HOMER3: variants seen among roughly 807,000 people sequenced by gnomAD.
The protein encoded by HOMER3 is homer scaffold protein 3, also known as homer protein homolog 3.
Under a neutral mutation model 45.5 loss-of-function variants are expected in HOMER3, and 34 were observed. The observed-to-expected ratio is 0.75, with a 90% CI of 0.57 to 1.00. The LOEUF (loss-of-function observed/expected upper bound fraction) is 1.00. Among genes scored for constraint, HOMER3 ranks in the 50% least tolerant of loss-of-function variants. The pLI, the probability that HOMER3 is intolerant of heterozygous loss-of-function variation, is 0.00. For missense variants in HOMER3, 480 were observed against 497.5 expected, an observed-to-expected ratio of 0.96 and a Z score of 0.33; for synonymous variants, 223 against 208.8, an observed-to-expected ratio of 1.07 and a Z score of -0.58.
chr19:18,931,048 A>G lies in HOMER3; in HGVS notation c.894+277T>C, dbSNP rs756088196. Among the ~76,000 whole-genome samples the G allele has an allele frequency of 9.2e-4, 140 of 152,180 alleles. 1 individual carries two copies. The highest frequency in any genetic ancestry group is 1.7e-3 in the Non-Finnish European group (117 of 68,022). On this transcript the variant is annotated intron_variant, in intron 9 of 9. Coordinates refer to ENST00000392351, the MANE Select transcript of HOMER3 (RefSeq NM_004838.4). The stretch of plus-strand genomic sequence containing the variant: ...AATAAAGCCAAGCCAAGCCAGACCT[A>G]GTTCCAATGCAGGCTCTGTGATCTC...
chr19:18,933,170 G>A, intron 5 of HOMER3, 125 bp from the exon 6 acceptor site: 2 of 1,228,562 alleles, frequency 1.6e-6, no homozygotes, highest in South Asian at 2.8e-5. Context: ...TCACAGCACA[G>A]GATCCAAGTG....
At chr19:18,938,535 A>C (rs746843565) in intron 3 of HOMER3, 51 bp from the exon 4 acceptor site, 1 of 1,589,684 alleles carries the variant, frequency 6.3e-7, no homozygotes, top group Non-Finnish European at 8.6e-7. Context: ...ACTAACAAAC[A>C]TGAAACCCCC....
intron 1 of HOMER3, 47 bp from the exon 2 acceptor site, chr19:18,939,096 G>T: frequency 9.0e-7 from 1 of 1,106,608 alleles, no homozygotes; most frequent in Non-Finnish European, 1.3e-6. Context: ...CCAGGCTGAG[G>T]GAGGCCAAGC....
At chr19:18,939,524 T>C in intron 1 of HOMER3, 1 of 153,002 alleles carries the variant, frequency 6.5e-6, no homozygotes, top group Non-Finnish European at 1.5e-5. Flanking sequence ...AGACCCCATC[T>C]TTCTTTGTCT....
intron 6 of HOMER3, among the ~76,000 whole-genome samples, 174 bp downstream of exon 6, chr19:18,932,750 T>C (rs2057050666): frequency 6.6e-6 from 1 of 150,412 alleles, no homozygotes; most frequent in East Asian, 2.0e-4. Flanking sequence ...CAACGCAGGG[T>C]AGGGGCGGGG....
At chr19:18,934,991 A>G (rs1251717095) in intron 4 of HOMER3, among the ~76,000 whole-genome samples, 1 of 150,814 alleles carries the variant, frequency 6.6e-6, no homozygotes, top group East Asian at 2.0e-4. Context: ...ACAGGCATGC[A>G]CCAGCATGCC....
intron 9 of HOMER3, among the ~76,000 whole-genome samples, chr19:18,930,249 C>CAA (rs35747460): frequency 0.1 from 9,435 of 93,550 alleles, 518 homozygotes; most frequent in Middle Eastern, 0.18. Flanking sequence ...GACTCCATCT[C>CAA]AAAAAAAAAA....
intron 4 of HOMER3, among the ~76,000 whole-genome samples, chr19:18,937,561 A>G (rs1159433811): frequency 6.7e-6 from 1 of 150,188 alleles, no homozygotes; most frequent in Non-Finnish European, 1.5e-5. Flanking sequence ...AATCCCAGCT[A>G]CTCCAGAGGC....
rs755847699 is a variant in HOMER3 at position 18,932,917 on chromosome 19, C to T, written c.533+7G>A. On this transcript the variant is annotated splice_region_variant and intron_variant, in intron 6 of 9. Coordinates refer to ENST00000392351, the MANE Select transcript of HOMER3 (RefSeq NM_004838.4). Reference sequence around the variant, plus strand: ...CCCCTGCCACGCCCCCAAGTCCCGCCCCTCACCCCTCAGACAACATCTTCT... The same window carrying T: ...CCCCTGCCACGCCCCCAAGTCCCGCTCCTCACCCCTCAGACAACATCTTCT... 66 of 1,387,274 alleles carry T rather than the reference C, an allele frequency of 4.8e-5. No homozygotes were observed. The highest frequency in any genetic ancestry group is 6.0e-5 in the Non-Finnish European group (64 of 1,063,818). The allele number at this position is 1,387,274 out of a possible 1,614,324, so 85.9% of individuals were successfully genotyped here.
chr19:18,929,588 A>G lies in HOMER3; in HGVS notation c.941T>C (p.Met314Thr), dbSNP rs1455106656. The change falls in exon 10 of 10, where the codon ATG becomes ACG. Residue 314 changes from methionine to threonine, a missense_variant. Met to Thr is a moderately conservative substitution (Grantham distance 81, BLOSUM62 -1). Coordinates refer to ENST00000392351, the MANE Select transcript of HOMER3 (RefSeq NM_004838.4). ...CCGTGCCTCCTCCAGGCTGCGCTCC[A>G]TCGCCCGCAGCTGGTGCTCCAACTC... The part of the protein sequence containing the change: ...NAELEHQLRA[M>T]ERSLEEARAE... The G allele has an allele frequency of 6.5e-7, 1 of 1,541,658 alleles. No individual in the cohort carries two copies.
chr19:18,939,889 C>T (rs972857713), intron 1 of HOMER3: 1 of 152,668 alleles, frequency 6.6e-6, no homozygotes, highest in Non-Finnish European at 1.5e-5. Flanking sequence ...GAGCCCCCAG[C>T]CAAGTTAAAA....
Position 18,937,627 on chromosome 19 carries a change from G to A in HOMER3, c.303+726C>T, listed in dbSNP as rs575291972. Among the ~76,000 whole-genome samples, 20 of 145,728 alleles carry A rather than the reference G, an allele frequency of 1.4e-4. No individual in the cohort carries two copies. In the South Asian group the frequency reaches 4.0e-3, roughly 29 times the overall value. On this transcript the variant is annotated intron_variant, in intron 4 of 9. Transcript: ENST00000392351. ...GTGGAGGTTGCAGTGAGCCGAGATC[G>A]TGCCACTGCACTCCAGCCTGGGGGA... is the stretch of plus-strand genomic sequence containing the variant.
At position 18,938,712 on chromosome 19, in the gene HOMER3, C is replaced by A; in HGVS notation, c.171+16G>T. On this transcript the variant is annotated intron_variant, in intron 3 of 9. Coordinates refer to ENST00000392351, the MANE Select transcript of HOMER3 (RefSeq NM_004838.4). ...GGACTCCTGGTGCCTCTGCCCCACC[C>A]AGACCCCACCCTGACCTTGGCGCCT... 3.3e-6 allele frequency: 5 copies of A among 1,534,436 alleles called. No individual in the cohort carries two copies. The South Asian group carries it at 4.7e-5, about 14-fold the overall frequency.
intron 4 of HOMER3, among the ~76,000 whole-genome samples, chr19:18,936,815 C>T (rs891761166): frequency 1.3e-5 from 2 of 151,640 alleles, no homozygotes; most frequent in Admixed American, 1.3e-4. Context: ...CGGTGAAACC[C>T]CCGTCTCTAT....
intron 4 of HOMER3, 64 bp downstream of exon 4, chr19:18,938,289 G>A (rs2057115725): frequency 1.3e-6 from 2 of 1,540,614 alleles, no homozygotes; most frequent in Admixed American, 1.8e-5. Context: ...CCCAGAGTGA[G>A]CCCAGGAGAA....
chr19:18,936,817 CG>C (rs1427906309), intron 4 of HOMER3, among the ~76,000 whole-genome samples: 2 of 151,224 alleles, frequency 1.3e-5, no homozygotes, highest in Non-Finnish European at 2.9e-5. Context: ...GTGAAACCCC[CG>C]TCTCTATTAA....
chr19:18,937,676 A>C (rs1220510282), intron 4 of HOMER3, among the ~76,000 whole-genome samples: 1 of 151,342 alleles, frequency 6.6e-6, no homozygotes, highest in Non-Finnish European at 1.5e-5. Flanking sequence ...TATCTCCAAA[A>C]AAAAAAAAAA....
intron 1 of HOMER3, chr19:18,939,771 GTA>G (rs1427552094): frequency 2.0e-5 from 3 of 152,262 alleles, no homozygotes; most frequent in Non-Finnish European, 4.4e-5. Context: ...GAGGTGTGTA[GTA>G]CCAGGAGACC....
Position 18,938,488 on chromosome 19 carries a change from G to C in HOMER3, c.172-4C>G, listed in dbSNP as rs58621827. On this transcript the variant is annotated splice_polypyrimidine_tract_variant and splice_region_variant and intron_variant, in intron 3 of 9. Transcript: ENST00000392351. ...TGACAGTGCTGTTGATGATGGCCTA[G>C]GGTCGGGGAACAAAGTTCAAGGTAG... The C allele has an allele frequency of 2.5e-6, 4 of 1,611,460 alleles. No individual in the cohort carries two copies. Among genetic ancestry groups the C allele is most frequent in the Admixed American group, 1.7e-5 (1 of 59,928 alleles).
Sources: gnomAD v4.1 joint callset for allele counts (sites outside exome capture counted in the v4.1 genomes callset) on GRCh38, gnomAD v4.1.1 for gene constraint, MANE v1.5 for transcripts, NCBI Gene and HGNC (gene_info 2026-07-23, HGNC 2026-07-21) for gene names.